The following TBXAS1 variants were observed in gnomAD, a reference collection of about 807,000 sequenced individuals.
TBXAS1 encodes the protein thromboxane A synthase 1.
In TBXAS1, 48 loss-of-function variants were observed where a neutral mutation model predicts 60.7. The observed-to-expected ratio is 0.79, with a 90% CI of 0.63 to 1.01. The LOEUF is 1.01. Ranked by LOEUF, TBXAS1 falls within the 50% of genes least tolerant of loss-of-function variation. The pLI is 0.00. For missense variants in TBXAS1, 685 were observed against 686.3 expected (o/e 1.00, Z 0.02); for synonymous variants, 287 against 269.7 (o/e 1.06, Z -0.63).
chr7:139,822,906 A>C (rs1798336568), intron 4 of TBXAS1, among the ~76,000 whole-genome samples: 1 of 152,122 alleles, frequency 6.6e-6, no homozygotes, highest in Non-Finnish European at 1.5e-5. Context: ...TATTTCTAGA[A>C]GCCAATCTGA....
chr7:139,984,644 A>AGAG (rs1569522277), intron 9 of TBXAS1, among the ~76,000 whole-genome samples: 6 of 82,188 alleles, frequency 7.3e-5, no homozygotes, highest in African/African-American at 3.4e-4. Context: ...GAGAGAGAGA[A>AGAG]AGAAAGAAAG....
Position 139,778,788 on chromosome 7 carries a change from C to A in TBXAS1, c.-318+317C>A, listed in dbSNP as rs544964938. Among the ~76,000 whole-genome samples the A allele has an allele frequency of 6.6e-6, 1 of 152,304 alleles. No individual in the cohort carries two copies. Among genetic ancestry groups the A allele is most frequent in the Admixed American group, 6.5e-5 (1 of 15,310 alleles). On this transcript the variant is annotated intron_variant, in intron 1 of 16. Coordinates refer to the TBXAS1 transcript ENST00000336425. This position sits in a 1 kb window ranked among gnomAD's most constrained non-coding sequence, Gnocchi z 4.8. ...TATCAGGGCTTCCGCTAAACACTCTCCAGACTCTCCCCAGCCGGGAGCCTC... is the reference window on the plus strand; with the variant it reads ...TATCAGGGCTTCCGCTAAACACTCTACAGACTCTCCCCAGCCGGGAGCCTC...
rs144015495 is a variant in TBXAS1 at position 139,904,446 on chromosome 7, T to C, written c.237-6779T>C. 6.0e-3 allele frequency among the ~76,000 whole-genome samples: 900 copies of C among 151,202 alleles called. 9 individuals carry two copies. The highest frequency in any genetic ancestry group is 0.027 in the South Asian group (131 of 4,828). ...CTATGCAGGCTCTTTTTTGGTTCCA[T>C]ATGCATTTTAGAATTCTTTTTTCTA... On this transcript the variant is annotated intron_variant, in intron 3 of 12. Coordinates refer to ENST00000448866, the MANE Select transcript of TBXAS1 (RefSeq NM_001061.7).
intron 1 of TBXAS1, among the ~76,000 whole-genome samples, chr7:139,847,866 T>C (rs763032965): frequency 2.0e-5 from 3 of 152,154 alleles, no homozygotes; most frequent in Non-Finnish European, 4.4e-5. Flanking sequence ...CTGTCACCCA[T>C]GCTGAAGTGC....
chr7:140,000,844 C>T (rs1813623752), intron 9 of TBXAS1, among the ~76,000 whole-genome samples: 1 of 152,244 alleles, frequency 6.6e-6, no homozygotes, highest in Non-Finnish European at 1.5e-5. Context: ...CAGAGCGCCT[C>T]ATGTTGAAAT....
At chr7:139,974,992 C>T (rs780282308) in intron 9 of TBXAS1, among the ~76,000 whole-genome samples, 1 of 152,202 alleles carries the variant, frequency 6.6e-6, no homozygotes, top group Non-Finnish European at 1.5e-5. Flanking sequence ...CAGGAATTGG[C>T]TCATGTAATT....
chr7:139,915,830 C>T (rs1241937695), intron 4 of TBXAS1, among the ~76,000 whole-genome samples: 4 of 152,212 alleles, frequency 2.6e-5, no homozygotes, highest in Admixed American at 6.5e-5. Flanking sequence ...GGGTTGGATC[C>T]GGAGCGGCAG....
chr7:139,892,319 T>C lies in TBXAS1; in HGVS notation c.236+16682T>C, dbSNP rs192606664. Among the ~76,000 whole-genome samples, 1,449 of 152,156 alleles carry C rather than the reference T, an allele frequency of 9.5e-3. 4 individuals carry two copies. Among genetic ancestry groups the C allele is most frequent in the Non-Finnish European group, 0.013 (913 of 67,978 alleles). On this transcript the variant is annotated intron_variant, in intron 3 of 12. Coordinates refer to ENST00000448866, the MANE Select transcript of TBXAS1 (RefSeq NM_001061.7). ...CTTTAAAAAATACTTGAGGCCAGGCTCAGTGGCTCACCGCTGTAATCCCAG... is the reference window on the plus strand; with the variant it reads ...CTTTAAAAAATACTTGAGGCCAGGCCCAGTGGCTCACCGCTGTAATCCCAG...
chr7:139,914,566 G>C (rs1350581926), intron 4 of TBXAS1, among the ~76,000 whole-genome samples: 1 of 152,128 alleles, frequency 6.6e-6, no homozygotes, highest in Non-Finnish European at 1.5e-5. Context: ...GTACTTGGCA[G>C]GTGACACATT....
rs552220913 is a variant in TBXAS1 at position 139,823,539 on chromosome 7, G to A, written c.-79-5773G>A. On this transcript the variant is annotated intron_variant, in intron 4 of 16. Transcript: ENST00000336425. ...CTAATATCTTTTGTAAGGAGGTGAAGCAGACCCCAAGCTCATACCACCCGT... is the reference window on the plus strand; with the variant it reads ...CTAATATCTTTTGTAAGGAGGTGAAACAGACCCCAAGCTCATACCACCCGT... Among the ~76,000 whole-genome samples, 16 of 152,164 alleles carry A rather than the reference G, an allele frequency of 1.1e-4. No homozygotes were observed. The East Asian group carries it at 3.1e-3, about 29-fold the overall frequency.
chr7:139,848,094 T>C (rs1479958274), intron 1 of TBXAS1, among the ~76,000 whole-genome samples: 2 of 152,136 alleles, frequency 1.3e-5, no homozygotes, highest in African/African-American at 4.8e-5. Flanking sequence ...TAGCTGGGAC[T>C]ATAGGTGCAT....
chr7:139,806,552 C>G (rs141238969), intron 4 of TBXAS1, among the ~76,000 whole-genome samples: 1 of 151,586 alleles, frequency 6.6e-6, no homozygotes, highest in East Asian at 1.9e-4. Flanking sequence ...CATGAGCCAC[C>G]GTGCCTGGCC....
chr7:139,818,953 T>G (rs1798224037), intron 4 of TBXAS1, among the ~76,000 whole-genome samples: 1 of 152,192 alleles, frequency 6.6e-6, no homozygotes, highest in Non-Finnish European at 1.5e-5. Flanking sequence ...TCCCTCTCCA[T>G]CCCTGATCCC....
intron 9 of TBXAS1, among the ~76,000 whole-genome samples, chr7:139,984,614 A>G (rs967616530): frequency 6.1e-5 from 4 of 65,552 alleles, no homozygotes; most frequent in African/African-American, 1.0e-4. Flanking sequence ...ATAAGAAAGA[A>G]AGAGAGAGAG....
intron 1 of TBXAS1, among the ~76,000 whole-genome samples, chr7:139,833,707 G>C (rs919164383): frequency 1.3e-5 from 2 of 151,738 alleles, no homozygotes; most frequent in East Asian, 3.9e-4. Flanking sequence ...AAAAGAGAGA[G>C]ACAAAGAGGG....
At chr7:139,923,636 A>G (rs1251719233) in intron 4 of TBXAS1, among the ~76,000 whole-genome samples, 3 of 151,918 alleles carry the variant, frequency 2.0e-5, no homozygotes, top group African/African-American at 7.3e-5. Flanking sequence ...TCCAATTATA[A>G]TCATTTATTT....
chr7:140,018,764 C>T (rs1321190026), intron 12 of TBXAS1, among the ~76,000 whole-genome samples: 1 of 152,248 alleles, frequency 6.6e-6, no homozygotes, highest in African/African-American at 2.4e-5. Context: ...GGCAGGGACC[C>T]AGTCTGTCAT....
chr7:139,961,668 C>T (rs1024811586), intron 8 of TBXAS1, among the ~76,000 whole-genome samples: 5 of 152,260 alleles, frequency 3.3e-5, no homozygotes, highest in African/African-American at 1.2e-4. Flanking sequence ...AGAATGGCCT[C>T]TGCCTTGCTC....
chr7:139,938,926 T>C (rs1404056222), intron 5 of TBXAS1, among the ~76,000 whole-genome samples: 1 of 152,236 alleles, frequency 6.6e-6, no homozygotes, highest in Non-Finnish European at 1.5e-5. Flanking sequence ...TTACAGGGGA[T>C]ACTCCAGAAA....
Sources: gnomAD v4.1 joint callset for allele counts (sites outside exome capture counted in the v4.1 genomes callset) on GRCh38, gnomAD v4.1.1 for gene constraint, Gnocchi (gnomAD v3.1) non-coding constraint, MANE v1.5 for transcripts, NCBI Gene and HGNC (gene_info 2026-07-23, HGNC 2026-07-21) for gene names.